Variants in TNFAIP8 observed in about 807,000 individuals in gnomAD.
TNFAIP8 encodes TNF alpha induced protein 8, also known as tumor necrosis factor alpha-induced protein 8.
Under a neutral mutation model 13.3 loss-of-function variants are expected in TNFAIP8, and 7 were observed. The observed-to-expected ratio is 0.52, with a 90% CI of 0.30 to 0.99. TNFAIP8 has a LOEUF of 0.99. TNFAIP8 is among the 50% of genes least tolerant of loss of function. TNFAIP8 has a pLI of 0.07. For synonymous variants in TNFAIP8, 94 were observed against 87.6 expected (o/e 1.07, Z -0.41); for missense variants, 258 against 236.9 (o/e 1.09, Z -0.58).
At chr5:119,273,225 G>A (rs1367673169) in intron 1 of TNFAIP8, among the ~76,000 whole-genome samples, 1 of 152,204 alleles carries the variant, frequency 6.6e-6, no homozygotes, top group East Asian at 1.9e-4. Context: ...TGCAGATTAA[G>A]CCAGATGTTC....
At chr5:119,306,832 T>C (rs1749582496) in intron 1 of TNFAIP8, among the ~76,000 whole-genome samples, 1 of 152,180 alleles carries the variant, frequency 6.6e-6, no homozygotes, top group Admixed American at 6.5e-5. Context: ...CATACTTAAA[T>C]AAAGGCTATA....
At chr5:119,286,466 A>G (rs1385412415) in intron 1 of TNFAIP8, among the ~76,000 whole-genome samples, 1 of 152,222 alleles carries the variant, frequency 6.6e-6, no homozygotes, top group African/African-American at 2.4e-5. Context: ...CTAAAAATGC[A>G]AAAAAATTAT....
intron 1 of TNFAIP8, among the ~76,000 whole-genome samples, chr5:119,368,562 A>C (rs1751959514): frequency 1.3e-5 from 2 of 152,066 alleles, no homozygotes. Context: ...CTACAACAAC[A>C]AAAAACTTTC....
At chr5:119,355,616 A>T, upstream of TNFAIP8, 1 of 560,364 alleles carries the variant, frequency 1.8e-6, no homozygotes, top group Non-Finnish European at 3.2e-6. Flanking sequence ...ATACAGAGGC[A>T]TTGGTTCTAC....
intron 1 of TNFAIP8, among the ~76,000 whole-genome samples, chr5:119,364,122 TC>T (rs1751738567): frequency 6.6e-6 from 1 of 152,114 alleles, no homozygotes; most frequent in Non-Finnish European, 1.5e-5. Flanking sequence ...CCAGCCCGTC[TC>T]CCCTGCCCAG....
intron 1 of TNFAIP8, among the ~76,000 whole-genome samples, chr5:119,284,681 GAA>G (rs200160390): frequency 1.8e-4 from 25 of 138,912 alleles, no homozygotes; most frequent in African/African-American, 6.3e-4. Context: ...GCTCCATCTA[GAA>G]AAAAAAAAAA....
chr5:119,324,458 T>A (rs2112694780), intron 1 of TNFAIP8, among the ~76,000 whole-genome samples: 1 of 152,218 alleles, frequency 6.6e-6, no homozygotes, highest in Non-Finnish European at 1.5e-5. Flanking sequence ...CACTGCTGAG[T>A]CACAGGGATA....
intron 1 of TNFAIP8, among the ~76,000 whole-genome samples, chr5:119,390,647 G>A (rs1387568142): frequency 6.6e-6 from 1 of 152,016 alleles, no homozygotes; most frequent in Non-Finnish European, 1.5e-5. Context: ...ATTTGTGAGG[G>A]GACCCTTTCT....
intron 1 of TNFAIP8, among the ~76,000 whole-genome samples, chr5:119,346,489 A>T (rs1476750561): frequency 6.6e-6 from 1 of 152,254 alleles, no homozygotes; most frequent in East Asian, 1.9e-4. Context: ...GTGTCTTCAC[A>T]TAGTGAGTAA....
intron 1 of TNFAIP8, among the ~76,000 whole-genome samples, chr5:119,312,794 A>G (rs1443943692): frequency 6.6e-6 from 1 of 151,820 alleles, no homozygotes; most frequent in Non-Finnish European, 1.5e-5. Flanking sequence ...ATTCAGAAGG[A>G]AAATGTTGGG....
chr5:119,271,082 G>A (rs1748280122), intron 1 of TNFAIP8, among the ~76,000 whole-genome samples: 1 of 152,212 alleles, frequency 6.6e-6, no homozygotes, highest in South Asian at 2.1e-4. Context: ...CGTGAGGACA[G>A]GCTGTCCTGG....
intron 1 of TNFAIP8, among the ~76,000 whole-genome samples, chr5:119,295,231 ACCT>A (rs1749136569): frequency 2.2e-5 from 1 of 44,960 alleles, no homozygotes; most frequent in Non-Finnish European, 4.0e-5. Flanking sequence ...CTAACGTTAG[ACCT>A]ATAGGTCTAA....
At chr5:119,328,484 C>A (rs1750288496) in intron 1 of TNFAIP8, among the ~76,000 whole-genome samples, 1 of 152,126 alleles carries the variant, frequency 6.6e-6, no homozygotes, top group Non-Finnish European at 1.5e-5. Context: ...CCTTCTGCTA[C>A]CTTAAAAACA....
At chr5:119,343,824 A>G (rs1233834774) in intron 1 of TNFAIP8, among the ~76,000 whole-genome samples, 2 of 152,226 alleles carry the variant, frequency 1.3e-5, no homozygotes, top group African/African-American at 2.4e-5. Flanking sequence ...CGGATATAAC[A>G]GCTGAAAAAA....
chr5:119,308,960 A>G (rs1226273742), intron 1 of TNFAIP8, among the ~76,000 whole-genome samples: 1 of 152,258 alleles, frequency 6.6e-6, no homozygotes, highest in South Asian at 2.1e-4. Context: ...CCAGTTATCT[A>G]TCATAGCCTG....
chr5:119,359,588 G>A (rs1057420481), intron 1 of TNFAIP8, among the ~76,000 whole-genome samples: 1 of 152,114 alleles, frequency 6.6e-6, no homozygotes, highest in Non-Finnish European at 1.5e-5. Context: ...TTCCGTAGTG[G>A]TGATTAATAT....
intron 1 of TNFAIP8, among the ~76,000 whole-genome samples, chr5:119,308,839 A>C (rs1749644208): frequency 7.1e-6 from 1 of 140,092 alleles, no homozygotes; most frequent in Non-Finnish European, 1.5e-5. Flanking sequence ...TGGGTTGCAG[A>C]GTGAGACTCC....
In TNFAIP8 at chr5:119,281,306, A is replaced by ACAGACACACACACACACACACTCTCT; in HGVS notation, c.1+12400_1+12401insAGACACACACACACACACACTCTCTC. Among the ~76,000 whole-genome samples the ACAGACACACACACACACACACTCTCT allele has an allele frequency of 7.0e-3, 799 of 114,222 alleles. 16 individuals are homozygous for ACAGACACACACACACACACACTCTCT. The East Asian group carries it at 0.092, about 13-fold the overall frequency. 74.9% of individuals were successfully genotyped at this position (114,222 alleles called of 152,430 possible). A position where few individuals can be genotyped will look rare whatever the true frequency, so the allele number is the denominator to read the frequency against. ...CACACATACACACACACACACACAC[A>ACAGACACACACACACACACACTCTCT]CTCTCTCTCTCTCACACTTACATGC... On this transcript the variant is annotated intron_variant, in intron 1 of 1. Coordinates refer to the TNFAIP8 transcript ENST00000274456.
intron 1 of TNFAIP8, among the ~76,000 whole-genome samples, chr5:119,277,764 G>A (rs774916662): frequency 6.6e-6 from 1 of 152,198 alleles, no homozygotes; most frequent in Non-Finnish European, 1.5e-5. Context: ...TGGGGGCTGG[G>A]AATTCAAGAT....
Sources: allele counts gnomAD v4.1 joint callset (sites outside exome capture counted in the v4.1 genomes callset), GRCh38; gene constraint gnomAD v4.1.1; transcripts MANE v1.5; gene names NCBI Gene and HGNC (gene_info 2026-07-23, HGNC 2026-07-21).